Variants in FXR1 observed in about 807,000 individuals in gnomAD.
FXR1 encodes the protein FMR1 autosomal homolog 1, also known as RNA-binding protein FXR1.
A neutral mutation model predicts 84.0 loss-of-function variants in FXR1; 15 were observed. The observed-to-expected ratio is 0.18, with a 90% CI of 0.12 to 0.27. FXR1 has a LOEUF of 0.27. FXR1 is among the 10% of genes least tolerant of loss of function. The probability of loss-of-function intolerance (pLI) is 1.00; values close to 1 mark genes in which losing one functional copy is unlikely to be tolerated. For missense variants in FXR1, 480 were observed against 774.4 expected, an observed-to-expected ratio of 0.62 and a Z score of 4.51; for synonymous variants, 245 against 250.7, an observed-to-expected ratio of 0.98 and a Z score of 0.21.
intron 3 of FXR1, among the ~76,000 whole-genome samples, chr3:180,936,378 C>T (rs1445980966): frequency 6.6e-6 from 1 of 152,330 alleles, no homozygotes; most frequent in Non-Finnish European, 1.5e-5. Flanking sequence ...AGCGATTCTC[C>T]TGCCACAGCC....
chr3:180,976,375 A>G lies in FXR1; in HGVS notation c.*83A>G. 1.1e-6 allele frequency: 1 copy of G among 937,312 alleles called. No individual in the cohort carries two copies. Among genetic ancestry groups the G allele is most frequent in the Non-Finnish European group, 1.6e-6 (1 of 627,276 alleles). The allele number at this position is 937,312 out of a possible 1,614,324, so 58.1% of individuals were successfully genotyped here. ...CAAGCTTGCCAAAGATAGAATATGG[A>G]TCGCCAGTCTTTACATCGCACTTTC... is the stretch of plus-strand genomic sequence containing the variant. On this transcript the variant is annotated 3_prime_UTR_variant, in exon 17 of 17. Transcript: ENST00000357559.
rs1379169531 is a variant in FXR1, at chr3:180,948,328, G to A, written c.271-19G>A. On this transcript the variant is annotated intron_variant, in intron 4 of 16. Coordinates refer to ENST00000357559, the MANE Select transcript of FXR1 (RefSeq NM_005087.4). The stretch of plus-strand genomic sequence containing the variant: ...TTTTTGTTCAGATGGGATTTTTAAA[G>A]TATTTTGATGTCTTTTAGTTTTATG... 1 of 1,537,388 alleles carries A rather than the reference G, an allele frequency of 6.5e-7. No individual in the cohort carries two copies. The highest frequency in any genetic ancestry group is 1.2e-5 in the South Asian group (1 of 85,888).
chr3:180,922,720 C>G (rs1436295750), intron 1 of FXR1, among the ~76,000 whole-genome samples: 1 of 152,126 alleles, frequency 6.6e-6, no homozygotes, highest in Non-Finnish European at 1.5e-5. Context: ...TCAAGCGATC[C>G]TCCTGCCTCA....
rs989778240 is a variant in FXR1 at position 180,982,024 on chromosome 3, T to G, written c.*5732T>G. ...GTACTAGACTCACATCTCAGTACTA[T>G]CAAGGAAAACATGCTTAGGTTATCA... On this transcript the variant is annotated 3_prime_UTR_variant, in exon 17 of 17. Transcript: ENST00000357559. 1 of 152,052 alleles carries G rather than the reference T, an allele frequency of 6.6e-6. No homozygotes were observed. The highest frequency in any genetic ancestry group is 1.5e-5 in the Non-Finnish European group (1 of 67,962). The allele number at this position is 152,052 out of a possible 1,614,324, so 9.4% of individuals were successfully genotyped here.
At chr3:180,962,413 C>G (rs1278054492) in intron 11 of FXR1, among the ~76,000 whole-genome samples, 1 of 152,192 alleles carries the variant, frequency 6.6e-6, no homozygotes, top group Non-Finnish European at 1.5e-5. Context: ...GTAATGACCT[C>G]AATTTCTGAA....
intron 15 of FXR1, among the ~76,000 whole-genome samples, 171 bp from the exon 16 acceptor site, chr3:180,975,142 G>A (rs1714069957): frequency 1.3e-5 from 2 of 152,102 alleles, no homozygotes; most frequent in African/African-American, 2.4e-5. Flanking sequence ...AGCACCAAAA[G>A]CCCAGGTAGA....
chr3:180,963,101 A>ATTTTT lies in FXR1; in HGVS notation c.1198+25_1198+29dup. The ATTTTT allele has an allele frequency of 3.5e-6, 3 of 867,108 alleles. No individual in the cohort carries two copies. Among genetic ancestry groups the ATTTTT allele is most frequent in the African/African-American group, 1.9e-5 (1 of 53,968 alleles). The allele number at this position is 867,108 out of a possible 1,614,324, so 53.7% of individuals were successfully genotyped here. ...ACACCTCCGGTTATGGTAAAAAAAA[A>ATTTTT]TTTTTTTTTTTTTTTTTTGGTAATA... On this transcript the variant is annotated intron_variant, in intron 13 of 16. Transcript: ENST00000357559.
At chr3:180,916,719 T>C (rs1212794317) in intron 1 of FXR1, among the ~76,000 whole-genome samples, 1 of 152,068 alleles carries the variant, frequency 6.6e-6, no homozygotes, top group African/African-American at 2.4e-5. Flanking sequence ...GAGTATAATT[T>C]TAAATAGAAG....
In FXR1 at chr3:180,973,943, C is replaced by T. The variant is rs554540779; in HGVS notation, c.1604-1370C>T. 5.9e-5 allele frequency among the ~76,000 whole-genome samples: 9 copies of T among 152,226 alleles called. 1 individual carries two copies. The South Asian group carries it at 1.9e-3, about 32-fold the overall frequency. ...TTTCATAGAATTTATACTTTATGGA[C>T]CAATTCTCCCCATACCTAGTGACTT... On this transcript the variant is annotated intron_variant, in intron 15 of 16. Coordinates refer to ENST00000357559, the MANE Select transcript of FXR1 (RefSeq NM_005087.4).
intron 1 of FXR1, among the ~76,000 whole-genome samples, chr3:180,920,365 A>G (rs955536221): frequency 2.6e-5 from 4 of 152,058 alleles, no homozygotes; most frequent in Non-Finnish European, 5.9e-5. Context: ...ATCATTTCTG[A>G]TTTTGGTTCA....
chr3:180,927,639 C>A (rs556607621), intron 1 of FXR1: 2 of 565,354 alleles, frequency 3.5e-6, no homozygotes, highest in Non-Finnish European at 6.2e-6. Flanking sequence ...GTACTTTTTT[C>A]CCCCACAGGC....
At chr3:180,968,321 CA>C in intron 14 of FXR1, 67 bp downstream of exon 14, 2 of 1,104,832 alleles carry the variant, frequency 1.8e-6, no homozygotes, top group Non-Finnish European at 2.7e-6. Flanking sequence ...AAAGTTAATT[CA>C]TCTCCCAGGG....
chr3:180,945,869 T>C (rs1013064563), intron 3 of FXR1, among the ~76,000 whole-genome samples: 12 of 152,200 alleles, frequency 7.9e-5, no homozygotes, highest in Admixed American at 1.3e-4. Context: ...TAGAAATACA[T>C]TGTTTGAGAA....
intron 3 of FXR1, among the ~76,000 whole-genome samples, chr3:180,938,776 G>A (rs1483574991): frequency 6.6e-6 from 1 of 152,140 alleles, no homozygotes; most frequent in Admixed American, 6.5e-5. Flanking sequence ...TCAAACTCCC[G>A]ACCTCAGGTG....
At chr3:180,921,302 G>C (rs1376601108) in intron 1 of FXR1, among the ~76,000 whole-genome samples, 1 of 151,448 alleles carries the variant, frequency 6.6e-6, no homozygotes, top group Non-Finnish European at 1.5e-5. Flanking sequence ...CAGGGTGGGG[G>C]TGTGTGTGGA....
At position 180,978,481 on chromosome 3, in the gene FXR1, T is replaced by C. The variant is rs1560032514; in HGVS notation, c.*2189T>C. On this transcript the variant is annotated 3_prime_UTR_variant, in exon 17 of 17. Transcript: ENST00000357559. The stretch of plus-strand genomic sequence containing the variant: ...AGGGTAGCCATTAATTCAGGTAGCC[T>C]TTTAAATGTATTTGAGAGGGTTCCG... 1 of 152,248 alleles carries C rather than the reference T, an allele frequency of 6.6e-6. No homozygotes were observed. The highest frequency in any genetic ancestry group is 3.4e-3 in the Middle Eastern group (1 of 294). 9.4% of individuals were successfully genotyped at this position (152,248 alleles called of 1,614,324 possible).
intron 1 of FXR1, among the ~76,000 whole-genome samples, chr3:180,915,232 A>G (rs1717742709): frequency 6.6e-6 from 1 of 152,158 alleles, no homozygotes; most frequent in Non-Finnish European, 1.5e-5. Context: ...ACGGTTATGA[A>G]TCTTGATAAA....
intron 2 of FXR1, among the ~76,000 whole-genome samples, chr3:180,933,766 C>T (rs1207361862): frequency 1.3e-5 from 2 of 152,062 alleles, no homozygotes; most frequent in Non-Finnish European, 1.5e-5. Flanking sequence ...GAGGGGTATG[C>T]AGTCTAAAAA....
chr3:180,955,294 C>T (rs980911040), intron 9 of FXR1, among the ~76,000 whole-genome samples: 3 of 152,108 alleles, frequency 2.0e-5, no homozygotes, highest in East Asian at 1.9e-4. Flanking sequence ...CCACCGCGCC[C>T]GGATGTAAAA....
Sources: gnomAD v4.1 joint callset for allele counts (sites outside exome capture counted in the v4.1 genomes callset) on GRCh38, gnomAD v4.1.1 for gene constraint, MANE v1.5 for transcripts, NCBI Gene and HGNC (gene_info 2026-07-23, HGNC 2026-07-21) for gene names.